The following RAD51 variants were observed in gnomAD, a reference collection of about 807,000 sequenced individuals.
RAD51 encodes DNA repair protein RAD51 homolog 1.
RAD51 carries 14 observed loss-of-function variants against 41.5 expected under a neutral mutation model. The observed-to-expected ratio is 0.34, with a 90% CI of 0.22 to 0.53. The LOEUF (loss-of-function observed/expected upper bound fraction) is 0.53, where lower values mean the gene tolerates loss of function less well. RAD51 is among the 20% of genes least tolerant of loss of function. RAD51 has a pLI of 0.95. For synonymous variants in RAD51, 136 were observed against 148.6 expected, an observed-to-expected ratio of 0.92 and a Z score of 0.62; for missense variants, 234 against 422.0, an observed-to-expected ratio of 0.55 and a Z score of 3.90.
At chr15:40,720,531 T>C (rs45526836) in intron 6 of RAD51, among the ~76,000 whole-genome samples, 1,701 of 152,182 alleles carry the variant, frequency 0.011, 30 homozygotes, top group African/African-American at 0.039. Context: ...CAGATTGGAA[T>C]GGAAGAAGGA....
intron 1 of RAD51, among the ~76,000 whole-genome samples, chr15:40,696,367 A>G (rs904417295): frequency 6.6e-6 from 1 of 152,124 alleles, no homozygotes; most frequent in Non-Finnish European, 1.5e-5. Flanking sequence ...TGAGCCCAAG[A>G]GTTCGAGAAC....
At position 40,702,926 on chromosome 15, in the gene RAD51, C is replaced by T. The variant is rs1230872035; in HGVS notation, c.225+1725C>T. On this transcript the variant is annotated intron_variant, in intron 3 of 9. Coordinates refer to ENST00000267868, the MANE Select transcript of RAD51 (RefSeq NM_002875.5). ...GCAGCTTCAGCTTCAAACTCCTGGG[C>T]TCAAGGAATTCTCAGCCTGCTGAGT... is the stretch of plus-strand genomic sequence containing the variant. 2.0e-5 allele frequency among the ~76,000 whole-genome samples: 3 copies of T among 151,942 alleles called. No individual in the cohort carries two copies. In the East Asian group the frequency reaches 5.8e-4, roughly 29 times the overall value.
intron 2 of RAD51, among the ~76,000 whole-genome samples, chr15:40,700,262 G>C (rs1471840532): frequency 6.6e-6 from 1 of 152,168 alleles, no homozygotes; most frequent in Non-Finnish European, 1.5e-5. Flanking sequence ...GAAGAAAGAG[G>C]TGTCTTTGGG....
At chr15:40,728,201 C>A (rs1444750503) in intron 6 of RAD51, among the ~76,000 whole-genome samples, 1 of 152,118 alleles carries the variant, frequency 6.6e-6, no homozygotes, top group Admixed American at 6.5e-5. Flanking sequence ...TGGTGGCTCA[C>A]GCCTGTAGTC....
chr15:40,706,257 T>C lies in RAD51; in HGVS notation c.306T>C (p.Ile102=), dbSNP rs745749160. Residue 102 remains isoleucine, a synonymous_variant, in exon 4 of 10, where the codon ATT becomes ATC. Transcript: ENST00000267868. ...AAAGGCGGTCAGAGATCATACAGAT[T>C]ACTACTGGCTCCAAAGAGCTTGACA... is the stretch of plus-strand genomic sequence containing the variant. ...FHQRRSEIIQ[I]TTGSKELDKL... The C allele has an allele frequency of 6.2e-7, 1 of 1,614,038 alleles. No homozygotes were observed. Among genetic ancestry groups the C allele is most frequent in the African/African-American group, 1.3e-5 (1 of 75,066 alleles).
rs752351863 is a variant in RAD51 at position 40,728,699 on chromosome 15, C to T, written c.531-12C>T. Reference sequence around the variant, plus strand: ...TGTGTGCAGCCTAAAAATGTTCTCTCCTCTCTCATAGGTATGGTCTCTCTG... The same window carrying T: ...TGTGTGCAGCCTAAAAATGTTCTCTTCTCTCTCATAGGTATGGTCTCTCTG... On this transcript the variant is annotated splice_polypyrimidine_tract_variant and intron_variant, in intron 6 of 9. Coordinates refer to ENST00000267868, the MANE Select transcript of RAD51 (RefSeq NM_002875.5). The T allele has an allele frequency of 8.4e-5, 135 of 1,609,276 alleles. No individual in the cohort carries two copies. The highest frequency in any genetic ancestry group is 8.4e-5 in the Non-Finnish European group (99 of 1,175,904).
At chr15:40,709,442 T>C (rs1008864165) in intron 5 of RAD51, among the ~76,000 whole-genome samples, 5 of 149,482 alleles carry the variant, frequency 3.3e-5, no homozygotes, top group African/African-American at 1.2e-4. Flanking sequence ...AGTGGTGTGA[T>C]CTCAGCTCAC....
At chr15:40,697,791 T>A (rs1894742913) in intron 1 of RAD51, among the ~76,000 whole-genome samples, 1 of 151,940 alleles carries the variant, frequency 6.6e-6, no homozygotes, top group East Asian at 1.9e-4. Context: ...GACCTGGTGA[T>A]CCACCCGCCT....
upstream of RAD51, chr15:40,695,026 G>C (rs1894517687): frequency 1.3e-5 from 2 of 152,408 alleles, no homozygotes; most frequent in South Asian, 4.1e-4. Context: ...AAAGGGAAGA[G>C]GGCAGTCTGT....
At chr15:40,698,397 G>A (rs1300468778) in intron 1 of RAD51, among the ~76,000 whole-genome samples, 10 of 151,606 alleles carry the variant, frequency 6.6e-5, no homozygotes, top group Admixed American at 4.6e-4. Context: ...CATGTTGGCC[G>A]GGATGGTCTT....
intron 5 of RAD51, among the ~76,000 whole-genome samples, chr15:40,713,058 T>G (rs1361497982): frequency 6.6e-6 from 1 of 151,242 alleles, no homozygotes; most frequent in African/African-American, 2.4e-5. Context: ...TTTTTGTATT[T>G]TTAGTAGAGA....
chr15:40,731,776 C>G lies in RAD51; in HGVS notation c.*598C>G, dbSNP rs1309698780. ...ATTGCTAAGACTAACTCAAGATAAT[C>G]CTAGAGTCTTAAAGCATTTCAGGCC... is the stretch of plus-strand genomic sequence containing the variant. On this transcript the variant is annotated 3_prime_UTR_variant, in exon 10 of 10. Transcript: ENST00000267868. The G allele has an allele frequency of 4.6e-6, 1 of 216,614 alleles. No homozygotes were observed. Among genetic ancestry groups the G allele is most frequent in the African/African-American group, 2.3e-5 (1 of 44,208 alleles). The allele number at this position is 216,614 out of a possible 1,614,324, so 13.4% of individuals were successfully genotyped here.
chr15:40,697,267 A>G (rs546190606), intron 1 of RAD51, among the ~76,000 whole-genome samples: 4 of 152,042 alleles, frequency 2.6e-5, no homozygotes, highest in Admixed American at 2.6e-4. Flanking sequence ...CGCCCAGCTA[A>G]TTTTGTATTT....
At chr15:40,722,376 G>A (rs1200813704) in intron 6 of RAD51, among the ~76,000 whole-genome samples, 2 of 150,594 alleles carry the variant, frequency 1.3e-5, no homozygotes, top group Non-Finnish European at 2.9e-5. Context: ...TCATGCCATT[G>A]CACTATAGCC....
intron 5 of RAD51, among the ~76,000 whole-genome samples, chr15:40,717,018 G>A (rs936304561): frequency 4.0e-5 from 6 of 150,378 alleles, no homozygotes; most frequent in South Asian, 4.3e-4. Flanking sequence ...TAGTTGTTTT[G>A]TAATTTCAAA....
intron 6 of RAD51, among the ~76,000 whole-genome samples, chr15:40,727,641 T>G (rs996405982): frequency 6.6e-6 from 1 of 151,964 alleles, no homozygotes; most frequent in African/African-American, 2.4e-5. Context: ...GAGGCAGAAC[T>G]AGAAGACTTG....
intron 7 of RAD51, 28 bp downstream of exon 7, chr15:40,728,852 A>G (rs1230044491): frequency 3.2e-6 from 5 of 1,560,418 alleles, no homozygotes; most frequent in Middle Eastern, 1.7e-4. Context: ...GACACCAAAT[A>G]TGTTCTTAAG....
In RAD51 at chr15:40,701,343, CTTCTT is replaced by C. The variant is rs201339709; in HGVS notation, c.225+160_225+164del. 7.6e-3 allele frequency: 6,094 copies of C among 802,270 alleles called. 133 individuals are homozygous for C. Among genetic ancestry groups the C allele is most frequent in the Non-Finnish European group, 4.3e-3 (2,251 of 520,964 alleles). 49.7% of individuals were successfully genotyped at this position (802,270 alleles called of 1,614,324 possible). On this transcript the variant is annotated intron_variant, in intron 3 of 9. Coordinates refer to ENST00000267868, the MANE Select transcript of RAD51 (RefSeq NM_002875.5). ...GGGGTGACTGTTACCTGTTTCTTTT[CTTCTT>C]TTCTTTTCTTTTCTTTTTTTTTTCT...
chr15:40,720,402 T>C (rs1223657265), intron 6 of RAD51, among the ~76,000 whole-genome samples: 2 of 152,086 alleles, frequency 1.3e-5, no homozygotes, highest in East Asian at 3.9e-4. Context: ...AAATTCTGAA[T>C]GCTTTTCCCC....
Sources: allele counts gnomAD v4.1 joint callset (sites outside exome capture counted in the v4.1 genomes callset), GRCh38; gene constraint gnomAD v4.1.1; transcripts MANE v1.5; gene names NCBI Gene and HGNC (gene_info 2026-07-23, HGNC 2026-07-21).